The following COBL variants were observed in gnomAD, a reference collection of about 807,000 sequenced individuals.
COBL encodes the protein protein cordon-bleu.
COBL carries 51 observed loss-of-function variants against 98.8 expected under a neutral mutation model. That is an observed-to-expected ratio of 0.52 (90% CI 0.41 to 0.65). COBL has a LOEUF of 0.65. COBL is among the 30% of genes least tolerant of loss of function. COBL has a pLI of 0.00. For synonymous variants in COBL, 634 were observed against 651.7 expected (o/e 0.97, Z 0.41); for missense variants, 1,617 against 1,617.5 (o/e 1.00, Z 0.01).
chr7:51,195,924 A>G (rs961906677), intron 2 of COBL, among the ~76,000 whole-genome samples: 2 of 152,196 alleles, frequency 1.3e-5, no homozygotes, highest in African/African-American at 4.8e-5. Context: ...TTCTAGATAT[A>G]GGATCATATC....
chr7:51,315,662 A>G (rs1453551372), intron 1 of COBL, among the ~76,000 whole-genome samples: 2 of 152,168 alleles, frequency 1.3e-5, no homozygotes, highest in African/African-American at 2.4e-5. Flanking sequence ...TGAAAACTAC[A>G]AAGTCCACCG....
chr7:51,114,681 T>G (rs961205412), intron 6 of COBL, among the ~76,000 whole-genome samples: 2 of 152,164 alleles, frequency 1.3e-5, no homozygotes, highest in Non-Finnish European at 2.9e-5. Context: ...TCCCCCAGAT[T>G]GTCACAAGGC....
chr7:51,284,333 A>G (rs1022053098), intron 1 of COBL, among the ~76,000 whole-genome samples: 2 of 151,584 alleles, frequency 1.3e-5, no homozygotes, highest in South Asian at 4.2e-4. Context: ...ATACACTACA[A>G]TCAAGGAGGT....
chr7:51,126,300 C>T (rs1798198736), intron 6 of COBL, among the ~76,000 whole-genome samples: 1 of 152,132 alleles, frequency 6.6e-6, no homozygotes, highest in African/African-American at 2.4e-5. Context: ...TGCACTCCAG[C>T]CTGGGCAACA....
rs529953082 is a variant in COBL at position 51,068,675 on chromosome 7, G to A, written c.1096+16491C>T. 4.1e-3 allele frequency among the ~76,000 whole-genome samples: 618 copies of A among 152,186 alleles called. 6 individuals carry two copies. Among genetic ancestry groups the A allele is most frequent in the South Asian group, 0.029 (138 of 4,818 alleles). On this transcript the variant is annotated intron_variant, in intron 7 of 12. Coordinates refer to ENST00000265136, the MANE Select transcript of COBL (RefSeq NM_015198.5). The stretch of plus-strand genomic sequence containing the variant: ...TGGTTTCATGGTGTATACAAGAGTC[G>A]AAACTGATTATATTATATACTTTCT...
chr7:51,038,827 A>T (rs975938639), intron 8 of COBL, among the ~76,000 whole-genome samples: 2 of 152,234 alleles, frequency 1.3e-5, no homozygotes, highest in Non-Finnish European at 2.9e-5. Context: ...TGCCAGCCAG[A>T]CAGAGGGTGA....
intron 1 of COBL, among the ~76,000 whole-genome samples, chr7:51,268,759 G>A (rs552292845): frequency 5.3e-5 from 8 of 151,772 alleles, no homozygotes; most frequent in South Asian, 2.1e-4. Flanking sequence ...GTGAAACCCC[G>A]CTTCTACTAA....
At chr7:51,250,093 C>A (rs1442455130) in intron 1 of COBL, among the ~76,000 whole-genome samples, 1 of 151,700 alleles carries the variant, frequency 6.6e-6, no homozygotes, top group African/African-American at 2.4e-5. Context: ...CACAGTGAGA[C>A]TCCATTTCAA....
intron 6 of COBL, among the ~76,000 whole-genome samples, chr7:51,116,661 C>T (rs1386908663): frequency 1.3e-5 from 2 of 152,062 alleles, no homozygotes; most frequent in Non-Finnish European, 2.9e-5. Flanking sequence ...TTCTGACACT[C>T]TTTATGTCTT....
intron 1 of COBL, among the ~76,000 whole-genome samples, chr7:51,234,276 CA>C (rs1795028347): frequency 6.6e-6 from 1 of 152,236 alleles, no homozygotes; most frequent in Admixed American, 6.5e-5. Context: ...CACTGCTGAG[CA>C]ACCATGTGGC....
intron 5 of COBL, among the ~76,000 whole-genome samples, chr7:51,166,178 A>G (rs1787303468): frequency 6.6e-6 from 1 of 151,922 alleles, no homozygotes; most frequent in South Asian, 2.1e-4. Flanking sequence ...CAAAACGTTG[A>G]TTTTTTAAAA....
chr7:51,031,157 G>C, intron 8 of COBL: 1 of 454,312 alleles, frequency 2.2e-6, no homozygotes, highest in South Asian at 3.9e-5. Flanking sequence ...TATATGTCTT[G>C]TATGTGGTGG....
intron 6 of COBL, among the ~76,000 whole-genome samples, chr7:51,115,176 C>CCCTG (rs1797161399): frequency 6.6e-6 from 1 of 151,912 alleles, no homozygotes; most frequent in Admixed American, 6.6e-5. Flanking sequence ...GTTCTTTTTT[C>CCCTG]CCTGGATCAA....
chr7:51,173,948 T>A (rs1396331876), intron 5 of COBL, among the ~76,000 whole-genome samples: 1 of 152,182 alleles, frequency 6.6e-6, no homozygotes, highest in Admixed American at 6.5e-5. Flanking sequence ...CACATACCTA[T>A]AATTTTTTTT....
Position 51,027,741 on chromosome 7 carries a change from A to G in COBL, c.3355T>C (p.Ser1119Pro). 1.2e-6 allele frequency: 2 copies of G among 1,613,984 alleles called. No individual in the cohort carries two copies. Among genetic ancestry groups the G allele is most frequent in the Non-Finnish European group, 1.7e-6 (2 of 1,179,928 alleles). The change falls in exon 10 of 13, where the codon TCT becomes CCT. Residue 1119 changes from serine to proline, a missense_variant. This residue lies in a region of COBL where 1,304 missense variants were observed against 1,282.0 expected (regional missense o/e 1.02). Transcript: ENST00000265136. ...CGTAGTCTGTCCTTCCCTCCCGCAG[A>G]GTGGATGGCTTCCATCAGGGCAGAG... Reference protein sequence around the residue: ...LHSALMEAIHSAGGKDRLRKT... With the variant: ...LHSALMEAIHPAGGKDRLRKT...
chr7:51,172,470 C>T (rs746801719), intron 5 of COBL: 3 of 1,288,460 alleles, frequency 2.3e-6, no homozygotes. Context: ...AAACCCCTTC[C>T]TGGGGCAGCC....
chr7:51,173,676 G>T (rs1465147597), intron 5 of COBL, among the ~76,000 whole-genome samples: 2 of 152,066 alleles, frequency 1.3e-5, no homozygotes, highest in Non-Finnish European at 2.9e-5. Context: ...AGAATATTTG[G>T]GTACATGACC....
intron 7 of COBL, among the ~76,000 whole-genome samples, chr7:51,054,977 G>A (rs1360097937): frequency 1.3e-5 from 2 of 152,214 alleles, no homozygotes; most frequent in Non-Finnish European, 2.9e-5. Context: ...CCCTGGAGCA[G>A]CCTGGAGAGT....
intron 6 of COBL, among the ~76,000 whole-genome samples, chr7:51,086,946 A>C (rs6964486): frequency 0.54 from 81,776 of 151,722 alleles, 22,378 homozygotes; most frequent in Middle Eastern, 0.69. Flanking sequence ...CCAGCAATTT[A>C]TTGTCCACCA....
Sources: gnomAD v4.1 joint callset for allele counts (sites outside exome capture counted in the v4.1 genomes callset) on GRCh38, gnomAD v4.1.1 for gene constraint, gnomAD v4.1.1 regional missense constraint, MANE v1.5 for transcripts, NCBI Gene and HGNC (gene_info 2026-07-23, HGNC 2026-07-21) for gene names.